PTPN4: variants seen among roughly 807,000 people sequenced by gnomAD.
PTPN4 encodes protein tyrosine phosphatase non-receptor type 4.
PTPN4 carries 49 observed loss-of-function variants against 135.5 expected under a neutral mutation model. The ratio of observed to expected loss-of-function variants is 0.36; its 90% confidence interval spans 0.29 to 0.46. The LOEUF (loss-of-function observed/expected upper bound fraction) is 0.46, where lower values mean the gene tolerates loss of function less well. Ranked by LOEUF, PTPN4 falls within the 20% of genes least tolerant of loss-of-function variation. The probability of loss-of-function intolerance (pLI) is 1.00; values close to 1 mark genes in which losing one functional copy is unlikely to be tolerated. For missense variants in PTPN4, 860 were observed against 1,101.0 expected (o/e 0.78, Z 3.10); for synonymous variants, 333 against 369.9 (o/e 0.90, Z 1.14).
Position 119,977,024 on chromosome 2 carries a change from A to T in PTPN4, c.2735A>T (p.Tyr912Phe), listed in dbSNP as rs766487889. The T allele has an allele frequency of 6.2e-7, 1 of 1,608,372 alleles. No homozygotes were observed. Among genetic ancestry groups the T allele is most frequent in the Non-Finnish European group, 8.5e-7 (1 of 1,178,510 alleles). Reference protein sequence around the residue: ...RFVCEAILKVYEEGFVKPLTT... With the variant: ...RFVCEAILKVFEEGFVKPLTT... ...GTATGTGAAGCTATTTTGAAAGTTT[A>T]TGAAGAAGGCTTTGTTAAACCCTTA... The change falls in exon 27 of 27, where the codon TAT becomes TTT. Residue 912 changes from tyrosine (Y) to phenylalanine (F), a missense_variant. Around this residue, in one of 2 missense-constraint regions of PTPN4, gnomAD observed 176 missense variants for 294.1 expected, o/e 0.60. Coordinates refer to ENST00000263708, the MANE Select transcript of PTPN4 (RefSeq NM_002830.4).
chr2:119,796,089 G>A (rs959593495), intron 1 of PTPN4, among the ~76,000 whole-genome samples: 1 of 152,196 alleles, frequency 6.6e-6, no homozygotes, highest in Non-Finnish European at 1.5e-5. Context: ...CCGGCCATGC[G>A]AGGGCAGGGG....
intron 15 of PTPN4, among the ~76,000 whole-genome samples, chr2:119,943,175 A>G (rs914240119): frequency 3.3e-5 from 5 of 152,184 alleles, no homozygotes; most frequent in African/African-American, 1.2e-4. Flanking sequence ...TTAAGACCAT[A>G]CAATCACATC....
In PTPN4 at chr2:119,946,543, T is replaced by C; in HGVS notation, c.1625T>C (p.Val542Ala). ...VKGGYDQKMPVIVSRVAPGTP... is the reference protein window; with the variant it reads ...VKGGYDQKMPAIVSRVAPGTP... ...GGAGGATATGATCAGAAGATGCCTG[T>C]GATTGTGTCTCGAGTAGCACCAGGA... Residue 542 changes from valine to alanine, a missense_variant, in exon 18 of 27, where the codon GTG (valine) becomes GCG (alanine). Around this residue, in one of 2 missense-constraint regions of PTPN4, gnomAD observed 684 missense variants for 807.0 expected, o/e 0.85. Coordinates refer to ENST00000263708, the MANE Select transcript of PTPN4 (RefSeq NM_002830.4). 1 of 1,609,946 alleles carries C rather than the reference T, an allele frequency of 6.2e-7. No individual in the cohort carries two copies. Among genetic ancestry groups the C allele is most frequent in the Non-Finnish European group, 8.5e-7 (1 of 1,177,502 alleles).
chr2:119,801,898 C>T (rs1691379356), intron 1 of PTPN4, among the ~76,000 whole-genome samples: 1 of 137,558 alleles, frequency 7.3e-6, no homozygotes, highest in Admixed American at 7.5e-5. Context: ...TTCTTTCTTT[C>T]CGTTTTTTTT....
At chr2:119,939,862 T>A (rs1679036975) in intron 15 of PTPN4, among the ~76,000 whole-genome samples, 1 of 152,168 alleles carries the variant, frequency 6.6e-6, no homozygotes, top group Admixed American at 6.5e-5. Flanking sequence ...ACTAGGCTAT[T>A]CTAGGACAAG....
At position 119,881,879 on chromosome 2, in the gene PTPN4, A is replaced by T. The variant is rs1467791063; in HGVS notation, c.413+49A>T. The T allele has an allele frequency of 6.6e-6, 9 of 1,365,032 alleles. No homozygotes were observed. In the East Asian group the frequency reaches 2.1e-4, roughly 31 times the overall value. 84.6% of individuals were successfully genotyped at this position (1,365,032 alleles called of 1,614,324 possible). On this transcript the variant is annotated intron_variant, in intron 6 of 26. Transcript: ENST00000263708. ...AAATTTTTTGTAATGGACTTTAAAA[A>T]TACTTTTTAAATCTGTGTTAAGTAA... is the stretch of plus-strand genomic sequence containing the variant.
chr2:119,805,719 C>T (rs1691455394), intron 1 of PTPN4, among the ~76,000 whole-genome samples: 1 of 152,138 alleles, frequency 6.6e-6, no homozygotes, highest in Admixed American at 6.5e-5. Context: ...TAGTGTGATG[C>T]CTCCAGCTTT....
At chr2:119,770,784 C>T (rs1480023118) in intron 1 of PTPN4, among the ~76,000 whole-genome samples, 1 of 151,920 alleles carries the variant, frequency 6.6e-6, no homozygotes, top group African/African-American at 2.4e-5. Context: ...CTTGTGTAAC[C>T]CATTTCCTTT....
At chr2:119,917,032 G>T (rs1332100623) in intron 11 of PTPN4, among the ~76,000 whole-genome samples, 1 of 152,100 alleles carries the variant, frequency 6.6e-6, no homozygotes, top group African/African-American at 2.4e-5. Flanking sequence ...GAAACTAGAG[G>T]ACAAATATTT....
At chr2:119,817,911 C>G (rs756655604) in intron 2 of PTPN4, among the ~76,000 whole-genome samples, 4 of 151,888 alleles carry the variant, frequency 2.6e-5, no homozygotes, top group African/African-American at 7.3e-5. Context: ...ACATTTTATT[C>G]TTTTTGTGGC....
At chr2:119,817,772 C>T (rs973325675) in intron 2 of PTPN4, among the ~76,000 whole-genome samples, 18 of 152,114 alleles carry the variant, frequency 1.2e-4, no homozygotes, top group East Asian at 3.8e-4. Context: ...ACCATGTTAA[C>T]GATATTGATT....
At chr2:119,947,308 C>T (rs1430073115) in intron 18 of PTPN4, among the ~76,000 whole-genome samples, 1 of 152,148 alleles carries the variant, frequency 6.6e-6, no homozygotes, top group Non-Finnish European at 1.5e-5. Context: ...GAGAGGGAGG[C>T]CAGCTATGCT....
At chr2:119,944,862 G>A (rs977236516) in intron 15 of PTPN4, among the ~76,000 whole-genome samples, 3 of 151,948 alleles carry the variant, frequency 2.0e-5, no homozygotes, top group Non-Finnish European at 4.4e-5. Context: ...GGAATACCTT[G>A]ATAATATATT....
At chr2:119,795,162 T>G (rs568009994) in intron 1 of PTPN4, among the ~76,000 whole-genome samples, 13 of 152,292 alleles carry the variant, frequency 8.5e-5, no homozygotes, top group African/African-American at 3.1e-4. Context: ...TGGGGATTTA[T>G]GGGCCTCAGA....
At chr2:119,761,461 G>A (rs990830812) in intron 1 of PTPN4, among the ~76,000 whole-genome samples, 1 of 152,154 alleles carries the variant, frequency 6.6e-6, no homozygotes, top group African/African-American at 2.4e-5. Context: ...TCTTGAATTT[G>A]ACTAATATAA....
chr2:119,957,434 A>G (rs918621775), intron 22 of PTPN4, among the ~76,000 whole-genome samples: 4 of 152,122 alleles, frequency 2.6e-5, no homozygotes, highest in Admixed American at 6.5e-5. Flanking sequence ...TCTAGGTTGC[A>G]TGCTCATTAT....
Position 119,981,630 on chromosome 2 carries a change from A to G in PTPN4, c.*4560A>G, listed in dbSNP as rs1489285808. 3 of 152,122 alleles carry G rather than the reference A, an allele frequency of 2.0e-5. No homozygotes were observed. The highest frequency in any genetic ancestry group is 4.4e-5 in the Non-Finnish European group (3 of 67,974). 9.4% of individuals were successfully genotyped at this position (152,122 alleles called of 1,614,324 possible). On this transcript the variant is annotated 3_prime_UTR_variant, in exon 27 of 27. Coordinates refer to ENST00000263708, the MANE Select transcript of PTPN4 (RefSeq NM_002830.4). ...GATAATAATTTCAGCAATTTTATTA[A>G]GAACCCAGTAAATTAATCCCTAATT... is the stretch of plus-strand genomic sequence containing the variant.
chr2:119,906,161 A>T (rs747166664), intron 10 of PTPN4, among the ~76,000 whole-genome samples: 26 of 152,194 alleles, frequency 1.7e-4, no homozygotes, highest in Non-Finnish European at 2.9e-4. Context: ...AGGATCAACA[A>T]ATTGAAATTT....
intron 9 of PTPN4, among the ~76,000 whole-genome samples, chr2:119,889,276 C>T (rs775584413): frequency 7.2e-5 from 11 of 152,116 alleles, no homozygotes; most frequent in African/African-American, 1.9e-4. Context: ...AAAAATTAGC[C>T]GGTCGTGGTG....
Sources: gnomAD v4.1 joint callset for allele counts (sites outside exome capture counted in the v4.1 genomes callset) on GRCh38, gnomAD v4.1.1 for gene constraint, gnomAD v4.1.1 regional missense constraint, MANE v1.5 for transcripts, NCBI Gene and HGNC (gene_info 2026-07-23, HGNC 2026-07-21) for gene names.